Variants in RELN observed in about 807,000 individuals in gnomAD.
RELN encodes the protein reelin.
In RELN, 108 loss-of-function variants were observed where a neutral mutation model predicts 427.6. The observed-to-expected ratio is 0.25, with a 90% confidence interval of 0.22 to 0.30. The LOEUF (loss-of-function observed/expected upper bound fraction) is 0.30. Ranked by LOEUF, RELN falls within the 10% of genes least tolerant of loss-of-function variation. RELN has a pLI of 1.00. For missense variants in RELN, 3,715 were observed against 4,302.8 expected (o/e 0.86, Z 3.82); for synonymous variants, 1,524 against 1,513.4 (o/e 1.01, Z -0.16).
chr7:103,694,576 A>T (rs1037474650), intron 10 of RELN, among the ~76,000 whole-genome samples: 1 of 152,080 alleles, frequency 6.6e-6, no homozygotes, highest in African/African-American at 2.4e-5. Context: ...GTGTTCAATA[A>T]AAAGTAGCTT....
chr7:103,892,998 A>C (rs1456510549), intron 2 of RELN, among the ~76,000 whole-genome samples: 1 of 152,216 alleles, frequency 6.6e-6, no homozygotes, highest in Non-Finnish European at 1.5e-5. Flanking sequence ...GGTTTCTGTG[A>C]CTGATCATGT....
At chr7:103,780,971 C>T (rs938421451) in intron 3 of RELN, among the ~76,000 whole-genome samples, 1 of 152,138 alleles carries the variant, frequency 6.6e-6, no homozygotes, top group Non-Finnish European at 1.5e-5. Context: ...ACGTGGATAC[C>T]CAATACACAC....
chr7:103,690,193 T>C (rs910942724), intron 10 of RELN, among the ~76,000 whole-genome samples: 1 of 152,162 alleles, frequency 6.6e-6, no homozygotes, highest in African/African-American at 2.4e-5. Context: ...GCAGTGTTCA[T>C]GCCACTGCAA....
chr7:103,523,843 A>G (rs1829763345), intron 46 of RELN, among the ~76,000 whole-genome samples: 1 of 151,940 alleles, frequency 6.6e-6, no homozygotes, highest in Admixed American at 6.6e-5. Flanking sequence ...ACACCCAGTT[A>G]ATTTTTGTAT....
intron 4 of RELN, among the ~76,000 whole-genome samples, chr7:103,767,371 G>A (rs577260302): frequency 3.1e-4 from 47 of 152,260 alleles, no homozygotes; most frequent in African/African-American, 1.1e-3. Context: ...TGGGCTGTGA[G>A]TCCAGAGCTT....
At position 103,477,159 on chromosome 7, in the gene RELN, T is replaced by C. The variant is rs377498516; in HGVS notation, c.10286+1230A>G. On this transcript the variant is annotated intron_variant, in intron 64 of 64. Transcript: ENST00000428762. ...GGAGTTTAGGGACTTAGATGGCATA[T>C]AGAATTATAACGTGTTTCCTTGTTT... 2.8e-4 allele frequency among the ~76,000 whole-genome samples: 42 copies of C among 152,326 alleles called. 1 individual carries two copies. In the South Asian group the frequency reaches 7.2e-3, roughly 26 times the overall value.
At chr7:103,693,676 A>G (rs1833918995) in intron 10 of RELN, among the ~76,000 whole-genome samples, 1 of 152,170 alleles carries the variant, frequency 6.6e-6, no homozygotes, top group Non-Finnish European at 1.5e-5. Context: ...CTCTAGGCCT[A>G]CATAGGAAGT....
intron 2 of RELN, among the ~76,000 whole-genome samples, chr7:103,865,664 G>A (rs975244521): frequency 5.3e-5 from 8 of 152,066 alleles, no homozygotes; most frequent in African/African-American, 1.9e-4. Flanking sequence ...TGATCATCAC[G>A]ATAGATGCAG....
intron 1 of RELN, among the ~76,000 whole-genome samples, chr7:103,959,343 C>T (rs376965774): frequency 1.3e-5 from 2 of 152,268 alleles, no homozygotes; most frequent in East Asian, 3.9e-4. Context: ...CCCTTTTGAA[C>T]CATTTACATG....
At chr7:103,581,325 G>T (rs957574293) in intron 28 of RELN, among the ~76,000 whole-genome samples, 1 of 152,030 alleles carries the variant, frequency 6.6e-6, no homozygotes, top group Non-Finnish European at 1.5e-5. Context: ...TATTATTTTT[G>T]AGTGGGAGTA....
At chr7:103,821,612 T>TTGG (rs1793016628) in intron 3 of RELN, among the ~76,000 whole-genome samples, 2 of 152,152 alleles carry the variant, frequency 1.3e-5, no homozygotes, top group African/African-American at 2.4e-5. Flanking sequence ...TCTTTGCACT[T>TTGG]AGCAAATAAG....
chr7:103,603,177 T>C lies in RELN; in HGVS notation c.3333+127A>G, dbSNP rs1831716656. 5 of 792,768 alleles carry C rather than the reference T, an allele frequency of 6.3e-6. No individual in the cohort carries two copies. The highest frequency in any genetic ancestry group is 1.7e-5 in the African/African-American group (1 of 59,418). 49.1% of individuals were successfully genotyped at this position (792,768 alleles called of 1,614,324 possible). On this transcript the variant is annotated intron_variant, in intron 24 of 64. Transcript: ENST00000428762. The surrounding 1 kb of genome is among the most constrained non-coding windows in gnomAD (Gnocchi z 4.3). ...ACATAGCTAAGGAATAGGAATTTGA[T>C]AGAGCCCACTCAAAAGCGGGGAACG...
At chr7:103,606,266 T>C (rs1831816811) in intron 22 of RELN, among the ~76,000 whole-genome samples, 3 of 152,098 alleles carry the variant, frequency 2.0e-5, no homozygotes, top group South Asian at 4.1e-4. Context: ...AGGAACAGAA[T>C]AAAGTAGGTG....
chr7:103,915,159 C>G (rs1412393010), intron 2 of RELN, among the ~76,000 whole-genome samples: 1 of 152,100 alleles, frequency 6.6e-6, no homozygotes, highest in Non-Finnish European at 1.5e-5. Context: ...GCCTTTGCAC[C>G]TGCTGTTCTT....
intron 37 of RELN, 128 bp downstream of exon 37, chr7:103,557,837 T>C (rs2117169886): frequency 3.2e-6 from 2 of 630,074 alleles, no homozygotes; most frequent in East Asian, 5.7e-5. Context: ...CAAACATTTA[T>C]GTATACTAAT....
At chr7:103,914,698 C>CA in intron 2 of RELN, among the ~76,000 whole-genome samples, 1 of 152,118 alleles carries the variant, frequency 6.6e-6, no homozygotes, top group South Asian at 2.1e-4. Context: ...AGAGGTTAAA[C>CA]GACTTGGCTG....
chr7:103,511,246 A>G (rs1178664012), intron 50 of RELN, among the ~76,000 whole-genome samples: 1 of 152,160 alleles, frequency 6.6e-6, no homozygotes, highest in Non-Finnish European at 1.5e-5. Flanking sequence ...TCTACACATG[A>G]AAAAAAGTAT....
At chr7:103,879,684 C>T (rs145475978) in intron 2 of RELN, among the ~76,000 whole-genome samples, 1 of 152,298 alleles carries the variant, frequency 6.6e-6, no homozygotes, top group East Asian at 1.9e-4. Flanking sequence ...TACGCATTTT[C>T]ATCATTTTGC....
chr7:103,686,693 T>G (rs1833771734), intron 10 of RELN, among the ~76,000 whole-genome samples: 1 of 152,200 alleles, frequency 6.6e-6, no homozygotes. Context: ...TAATTTATAG[T>G]CTACATATTA....
Sources: gnomAD v4.1 joint callset for allele counts (sites outside exome capture counted in the v4.1 genomes callset) on GRCh38, gnomAD v4.1.1 for gene constraint, Gnocchi (gnomAD v3.1) non-coding constraint, MANE v1.5 for transcripts, NCBI Gene and HGNC (gene_info 2026-07-23, HGNC 2026-07-21) for gene names.